CTIF: variants seen among roughly 807,000 people sequenced by gnomAD.
CTIF encodes the protein cap binding complex dependent translation initiation factor.
In CTIF, 21 loss-of-function variants were observed where a neutral mutation model predicts 66.0. The ratio of observed to expected loss-of-function variants is 0.32; its 90% CI spans 0.23 to 0.46. The LOEUF is 0.46. CTIF is among the 20% of genes least tolerant of loss of function. The probability of loss-of-function intolerance (pLI) is 1.00; values close to 1 mark genes in which losing one functional copy is unlikely to be tolerated. For synonymous variants in CTIF, 345 were observed against 326.4 expected, an observed-to-expected ratio of 1.06 and a Z score of -0.62; for missense variants, 739 against 812.7, an observed-to-expected ratio of 0.91 and a Z score of 1.10.
At chr18:48,759,711 C>T (rs566356478) in intron 8 of CTIF, among the ~76,000 whole-genome samples, 1 of 152,256 alleles carries the variant, frequency 6.6e-6, no homozygotes, top group Non-Finnish European at 1.5e-5. Context: ...ATAACGTGTA[C>T]AGATATGTTC....
rs375466114 is a variant in CTIF, at chr18:48,761,741, G to A, written c.1371+52G>A. 67 of 1,540,570 alleles carry A rather than the reference G, an allele frequency of 4.3e-5. No homozygotes were observed. The Middle Eastern group carries it at 6.0e-4, about 14-fold the overall frequency. ...CCGCGCCCCCTGCCCCTCTGCGTTC[G>A]GTGAGTTATTCCTAGCGAGAAGGCT... is the stretch of plus-strand genomic sequence containing the variant. On this transcript the variant is annotated intron_variant, in intron 9 of 11. Transcript: ENST00000256413. The surrounding 1 kb of genome is among the most constrained non-coding windows in gnomAD (Gnocchi z 4.2).
intron 9 of CTIF, among the ~76,000 whole-genome samples, chr18:48,790,671 C>T (rs185673796): frequency 1.1e-4 from 17 of 152,344 alleles, no homozygotes; most frequent in African/African-American, 4.1e-4. Flanking sequence ...GAAGGGAGGA[C>T]GTGACCGGCA....
intron 7 of CTIF, among the ~76,000 whole-genome samples, chr18:48,738,546 G>C (rs193263700): frequency 3.1e-5 from 4 of 129,110 alleles, no homozygotes; most frequent in Admixed American, 8.1e-5. Flanking sequence ...CCCCCTCCCC[G>C]GATTGCTCTT....
At chr18:48,598,720 G>C (rs1447390036) in intron 1 of CTIF, among the ~76,000 whole-genome samples, 2 of 152,178 alleles carry the variant, frequency 1.3e-5, no homozygotes, top group East Asian at 3.9e-4. Context: ...ACAGCACGCA[G>C]GGCAAGAATG....
intron 9 of CTIF, among the ~76,000 whole-genome samples, chr18:48,808,826 C>T (rs1045336264): frequency 2.0e-5 from 3 of 152,144 alleles, no homozygotes; most frequent in Admixed American, 6.5e-5. Context: ...TAACTCTTTC[C>T]AATGTTGTTT....
At chr18:48,762,793 C>T (rs1248950991) in intron 9 of CTIF, among the ~76,000 whole-genome samples, 3 of 152,240 alleles carry the variant, frequency 2.0e-5, no homozygotes, top group Non-Finnish European at 2.9e-5. Context: ...CTCACCTTAA[C>T]CATGTGGTTC....
At chr18:48,783,187 G>T (rs753933705) in intron 9 of CTIF, among the ~76,000 whole-genome samples, 9 of 152,132 alleles carry the variant, frequency 5.9e-5, no homozygotes, top group African/African-American at 2.2e-4. Context: ...GCCACCACAG[G>T]TCTGGACCAC....
intron 9 of CTIF, among the ~76,000 whole-genome samples, chr18:48,784,436 G>A (rs1313824840): frequency 2.0e-5 from 3 of 152,218 alleles, no homozygotes; most frequent in African/African-American, 7.2e-5. Context: ...TGGGAGGAGA[G>A]AGTGTGGGCC....
chr18:48,852,957 A>G (rs1270169359), intron 10 of CTIF, among the ~76,000 whole-genome samples: 1 of 152,162 alleles, frequency 6.6e-6, no homozygotes, highest in Non-Finnish European at 1.5e-5. Context: ...TTCTGGTGAC[A>G]GGGGTATGGG....
chr18:48,775,255 A>G lies in CTIF; in HGVS notation c.1371+13566A>G, dbSNP rs545540491. ...TCCTCCTGCCTACTGCACTGACATT[A>G]TCATTGTTAAAATCCACTGAAATGC... On this transcript the variant is annotated intron_variant, in intron 9 of 11. Transcript: ENST00000256413. Among the ~76,000 whole-genome samples, 5 of 152,336 alleles carry G rather than the reference A, an allele frequency of 3.3e-5. No homozygotes were observed. In the South Asian group the frequency reaches 1.0e-3, roughly 32 times the overall value.
At chr18:48,598,518 A>G (rs1223661259) in intron 1 of CTIF, among the ~76,000 whole-genome samples, 1 of 152,176 alleles carries the variant, frequency 6.6e-6, no homozygotes, top group Non-Finnish European at 1.5e-5. Context: ...GGTTGAGGGG[A>G]GCCAGCAATA....
chr18:48,683,046 G>A (rs988919292), intron 6 of CTIF: 7 of 152,282 alleles, frequency 4.6e-5, no homozygotes, highest in African/African-American at 9.6e-5. Flanking sequence ...CATCCACAGC[G>A]TGCTGGGCAG....
chr18:48,711,726 T>G, intron 7 of CTIF, 31 bp downstream of exon 7: 1 of 1,582,500 alleles, frequency 6.3e-7, no homozygotes, highest in Non-Finnish European at 8.7e-7. Context: ...AGCTTTGGGT[T>G]TTCCTTTCCT....
intron 7 of CTIF, among the ~76,000 whole-genome samples, chr18:48,726,280 G>A (rs2092386606): frequency 6.6e-6 from 1 of 152,188 alleles, no homozygotes; most frequent in African/African-American, 2.4e-5. Context: ...ATGGAGCTTG[G>A]CTTGGACGTT....
chr18:48,840,945 A>G (rs965203495), intron 10 of CTIF, among the ~76,000 whole-genome samples: 23 of 147,422 alleles, frequency 1.6e-4, no homozygotes, highest in African/African-American at 5.3e-4. Flanking sequence ...TCCTTCTTCA[A>G]TACAGCATGC....
intron 3 of CTIF, among the ~76,000 whole-genome samples, chr18:48,657,889 G>A (rs1193698415): frequency 6.6e-6 from 1 of 152,168 alleles, no homozygotes; most frequent in African/African-American, 2.4e-5. Context: ...GCCGAGCTTG[G>A]GTCCCCTTCT....
intron 9 of CTIF, among the ~76,000 whole-genome samples, chr18:48,779,159 A>C (rs1014538490): frequency 6.6e-6 from 1 of 152,118 alleles, no homozygotes; most frequent in Admixed American, 6.5e-5. Flanking sequence ...GGTGTCGCTC[A>C]TGTCTGGGGG....
chr18:48,705,446 G>A (rs986147935), intron 6 of CTIF, among the ~76,000 whole-genome samples: 2 of 152,238 alleles, frequency 1.3e-5, no homozygotes, highest in Admixed American at 6.5e-5. Context: ...AAATCCCACA[G>A]GACTTACTTC....
intron 5 of CTIF, among the ~76,000 whole-genome samples, chr18:48,666,734 A>G (rs1359946542): frequency 6.6e-6 from 1 of 152,156 alleles, no homozygotes; most frequent in Non-Finnish European, 1.5e-5. Context: ...CACAGCTGCA[A>G]GGCTCCCGAC....
Sources: allele counts gnomAD v4.1 joint callset (sites outside exome capture counted in the v4.1 genomes callset), GRCh38; gene constraint gnomAD v4.1.1; non-coding constraint Gnocchi (gnomAD v3.1); transcripts MANE v1.5; gene names NCBI Gene and HGNC (gene_info 2026-07-23, HGNC 2026-07-21).